XPNPEP1: variants seen among roughly 807,000 people sequenced by gnomAD.
The protein encoded by XPNPEP1 is xaa-Pro aminopeptidase 1.
XPNPEP1 carries 39 observed loss-of-function variants against 92.4 expected under a neutral mutation model. The ratio of observed to expected loss-of-function variants is 0.42; its 90% CI spans 0.33 to 0.55. The LOEUF (loss-of-function observed/expected upper bound fraction) is 0.55. Among genes scored for constraint, XPNPEP1 ranks in the 20% least tolerant of loss-of-function variants. XPNPEP1 has a pLI of 0.08. For missense variants in XPNPEP1, 654 were observed against 856.1 expected, an observed-to-expected ratio of 0.76 and a Z score of 2.95; for synonymous variants, 307 against 299.4, an observed-to-expected ratio of 1.03 and a Z score of -0.26.
rs1847223719 is a variant in XPNPEP1, at chr10:109,867,866, G to A, written c.1872+748C>T. Among the ~76,000 whole-genome samples the A allele has an allele frequency of 6.6e-6, 1 of 152,206 alleles. No individual in the cohort carries two copies. Among genetic ancestry groups the A allele is most frequent in the Non-Finnish European group, 1.5e-5 (1 of 68,048 alleles). ...CTTCCAGCTTCCTGGTTTGGGAACTGTTTTGTCTGTCTAGTGCTAACAGTT... is the reference window on the plus strand; with the variant it reads ...CTTCCAGCTTCCTGGTTTGGGAACTATTTTGTCTGTCTAGTGCTAACAGTT... On this transcript the variant is annotated intron_variant, in intron 20 of 20. Transcript: ENST00000502935. This position sits in a 1 kb window ranked among gnomAD's most constrained non-coding sequence, Gnocchi z 4.5.
chr10:109,880,301 C>T, intron 11 of XPNPEP1, 63 bp from the exon 12 acceptor site: 1 of 1,562,090 alleles, frequency 6.4e-7, no homozygotes, highest in East Asian at 2.2e-5. Context: ...AGATTCAGAG[C>T]CTAGCCCTAA....
At chr10:109,897,380 A>C (rs1245501337) in intron 3 of XPNPEP1, among the ~76,000 whole-genome samples, 2 of 152,184 alleles carry the variant, frequency 1.3e-5, no homozygotes, top group East Asian at 3.8e-4. Context: ...TGAATTTTAC[A>C]GGACCATCCA....
chr10:109,875,081 G>A (rs1022789537), intron 15 of XPNPEP1, among the ~76,000 whole-genome samples: 15 of 152,162 alleles, frequency 9.9e-5, no homozygotes, highest in African/African-American at 2.2e-4. Flanking sequence ...GATGATAGCC[G>A]TGAAAGCAGC....
chr10:109,874,319 C>T (rs781110619), intron 15 of XPNPEP1, among the ~76,000 whole-genome samples: 1 of 152,134 alleles, frequency 6.6e-6, no homozygotes, highest in Non-Finnish European at 1.5e-5. Context: ...AACAGGAGCC[C>T]ATCTCTAGCA....
At chr10:109,883,499 T>C (rs1487245298) in intron 9 of XPNPEP1, among the ~76,000 whole-genome samples, 1 of 152,112 alleles carries the variant, frequency 6.6e-6, no homozygotes, top group Non-Finnish European at 1.5e-5. Flanking sequence ...AAAGAGGACA[T>C]GCTCATCTCC....
rs7906990 is a variant in XPNPEP1, at chr10:109,881,518, T to C, written c.1042-587A>G. 7.9e-5 allele frequency among the ~76,000 whole-genome samples: 12 copies of C among 152,238 alleles called. No homozygotes were observed. In the South Asian group the frequency reaches 1.7e-3, roughly 21 times the overall value. On this transcript the variant is annotated intron_variant, in intron 10 of 20. Coordinates refer to ENST00000502935, the MANE Select transcript of XPNPEP1 (RefSeq NM_020383.4). ...TGCACAAAGCTTCTAAAATTGCTTT[T>C]GTGATCTTATCTCCTTTTCTCTTTC...
At chr10:109,894,383 T>C (rs901411859) in intron 3 of XPNPEP1, among the ~76,000 whole-genome samples, 1 of 151,102 alleles carries the variant, frequency 6.6e-6, no homozygotes. Flanking sequence ...ATACAATAAT[T>C]AGCCAGGCAT....
chr10:109,915,388 A>AGTTCTATTTG (rs1425447116), intron 1 of XPNPEP1, among the ~76,000 whole-genome samples: 15 of 152,144 alleles, frequency 9.9e-5, no homozygotes, highest in African/African-American at 3.6e-4. Flanking sequence ...TCCTTACACA[A>AGTTCTATTTG]GTTCTATTTG....
Position 109,923,482 on chromosome 10 carries a change from A to T in XPNPEP1, c.-49T>A. 1.5e-6 allele frequency: 2 copies of T among 1,355,500 alleles called. No individual in the cohort carries two copies. The highest frequency in any genetic ancestry group is 1.9e-6 in the Non-Finnish European group (2 of 1,046,898). 84.0% of individuals were successfully genotyped at this position (1,355,500 alleles called of 1,614,324 possible). A position where few individuals can be genotyped will look rare whatever the true frequency, so the allele number is the denominator to read the frequency against. ...ACGTCAGGGGAGCGCAGACCAGCTG[A>T]TCACCCGCGGAAGGGCCGGCGCGAA... On this transcript the variant is annotated 5_prime_UTR_variant, in exon 1 of 21. Coordinates refer to ENST00000502935, the MANE Select transcript of XPNPEP1 (RefSeq NM_020383.4).
In XPNPEP1 at chr10:109,920,388, A is replaced by G. The variant is rs12250118; in HGVS notation, c.32+3014T>C. On this transcript the variant is annotated intron_variant, in intron 1 of 20. Transcript: ENST00000502935. Reference sequence around the variant, plus strand: ...ATATAAGTGAATTATATCTCAATAAAGCCATTATAAATTTTATAACATCTC... The same window carrying G: ...ATATAAGTGAATTATATCTCAATAAGGCCATTATAAATTTTATAACATCTC... Among the ~76,000 whole-genome samples the G allele has an allele frequency of 8.4e-3, 1,273 of 152,376 alleles. 24 individuals carry two copies. The highest frequency in any genetic ancestry group is 0.029 in the African/African-American group (1,193 of 41,580).
At position 109,888,149 on chromosome 10, in the gene XPNPEP1, A is replaced by C; in HGVS notation, c.552T>G (p.His184Gln). 1 of 1,613,822 alleles carries C rather than the reference A, an allele frequency of 6.2e-7. No individual in the cohort carries two copies. The highest frequency in any genetic ancestry group is 8.5e-7 in the Non-Finnish European group (1 of 1,180,004). ...KMAKVLRSAG[H>Q]HLIPVKENLV... ...GGTTCTCCTTGACAGGAATGAGGTG[A>C]TGGCCGGCACTTCTCAGAACTTTGG... The change falls in exon 7 of 21, where the codon CAT (histidine) becomes CAG (glutamine). Residue 184 changes from histidine (H) to glutamine (Q), a missense_variant. Physicochemically the swap from His to Gln is conservative, Grantham distance 24 (BLOSUM62 0). Coordinates refer to ENST00000502935, the MANE Select transcript of XPNPEP1 (RefSeq NM_020383.4).
chr10:109,918,844 GA>G (rs1850343920), intron 1 of XPNPEP1, among the ~76,000 whole-genome samples: 1 of 32,796 alleles, frequency 3.0e-5, no homozygotes, highest in African/African-American at 6.6e-5. Context: ...AGGAAGGAAG[GA>G]AGGAAGGAAG....
intron 11 of XPNPEP1, 88 bp downstream of exon 11, chr10:109,880,754 T>C: frequency 7.6e-7 from 1 of 1,316,034 alleles, no homozygotes; most frequent in Non-Finnish European, 1.1e-6. Flanking sequence ...TCTAACCTTG[T>C]GCCAGGCTCA....
At chr10:109,889,705 A>G (rs530455019) in intron 5 of XPNPEP1, among the ~76,000 whole-genome samples, 3 of 152,234 alleles carry the variant, frequency 2.0e-5, no homozygotes, top group Admixed American at 6.5e-5. Flanking sequence ...CAAACAATTA[A>G]CATCTTGATA....
At chr10:109,908,546 G>T (rs776888598) in intron 2 of XPNPEP1, among the ~76,000 whole-genome samples, 1 of 152,198 alleles carries the variant, frequency 6.6e-6, no homozygotes, top group Non-Finnish European at 1.5e-5. Flanking sequence ...AGGTTGCAGT[G>T]ACCTGAGACC....
chr10:109,903,034 G>A (rs984388944), intron 3 of XPNPEP1, among the ~76,000 whole-genome samples: 1 of 152,162 alleles, frequency 6.6e-6, no homozygotes, highest in Non-Finnish European at 1.5e-5. Context: ...GCTTTATGAT[G>A]ACCAAACAAA....
At chr10:109,884,422 C>A (rs1218166998) in intron 8 of XPNPEP1, 2 of 378,544 alleles carry the variant, frequency 5.3e-6, no homozygotes, top group East Asian at 1.0e-4. Flanking sequence ...ATCCTGAGAA[C>A]TGCCCCCACA....
intron 3 of XPNPEP1, among the ~76,000 whole-genome samples, chr10:109,895,391 CT>C (rs1448139399): frequency 6.6e-6 from 1 of 152,224 alleles, no homozygotes; most frequent in Non-Finnish European, 1.5e-5. Context: ...TTTACCTAGA[CT>C]TCTCCATCAG....
At chr10:109,871,997 A>G in intron 16 of XPNPEP1, 136 bp from the exon 17 acceptor site, 2 of 855,312 alleles carry the variant, frequency 2.3e-6, no homozygotes, top group East Asian at 2.7e-5. Context: ...AAAGAAAAAA[A>G]TCTGGTGGAA....
Sources: gnomAD v4.1 joint callset for allele counts (sites outside exome capture counted in the v4.1 genomes callset) on GRCh38, gnomAD v4.1.1 for gene constraint, Gnocchi (gnomAD v3.1) non-coding constraint, MANE v1.5 for transcripts, NCBI Gene and HGNC (gene_info 2026-07-23, HGNC 2026-07-21) for gene names.